The following NDE1 variants were observed in gnomAD, a reference collection of about 807,000 sequenced individuals.
The protein encoded by NDE1 is nuclear distribution protein nudE homolog 1.
A neutral mutation model predicts 43.4 loss-of-function variants in NDE1; 28 were observed. That is an observed-to-expected ratio of 0.65 (90% CI 0.48 to 0.89). The LOEUF is 0.89. Ranked by LOEUF, NDE1 falls within the 40% of genes least tolerant of loss-of-function variation. The probability of loss-of-function intolerance (pLI) is 0.00; values close to 1 mark genes in which losing one functional copy is unlikely to be tolerated. For synonymous variants in NDE1, 184 were observed against 172.0 expected, an observed-to-expected ratio of 1.07 and a Z score of -0.55; for missense variants, 441 against 434.1, an observed-to-expected ratio of 1.02 and a Z score of -0.14.
chr16:15,694,636 A>G (rs1302642301), intron 7 of NDE1: 4 of 985,156 alleles, frequency 4.1e-6, no homozygotes, highest in Middle Eastern at 5.2e-4. Context: ...GCATGAGCCA[A>G]TGCGTCCAGC....
intron 8 of NDE1, among the ~76,000 whole-genome samples, chr16:15,715,523 T>A (rs963584254): frequency 6.6e-6 from 1 of 152,244 alleles, no homozygotes; most frequent in African/African-American, 2.4e-5. Context: ...TAGTGTGTGA[T>A]TCCGTTGATA....
chr16:15,704,092 T>C, intron 8 of NDE1: 1 of 1,614,170 alleles, frequency 6.2e-7, no homozygotes, highest in Non-Finnish European at 8.5e-7. Context: ...CCAGACCTTC[T>C]AGAAGGAACG....
chr16:15,672,904 C>T (rs2037670475), intron 3 of NDE1: 1 of 152,240 alleles, frequency 6.6e-6, no homozygotes, highest in South Asian at 2.1e-4. Flanking sequence ...TGCTTACAGC[C>T]AGGAAATGGG....
At chr16:15,718,493 G>A in intron 8 of NDE1, 1 of 1,535,142 alleles carries the variant, frequency 6.5e-7, no homozygotes, top group Non-Finnish European at 8.7e-7. Context: ...CTTAAAAGAT[G>A]CCCCCTCCTT....
At chr16:15,721,842 G>GT (rs374498080) in intron 8 of NDE1, among the ~76,000 whole-genome samples, 16 of 151,114 alleles carry the variant, frequency 1.1e-4, no homozygotes, top group Admixed American at 3.3e-4. Flanking sequence ...CAGCTGACTT[G>GT]TTTTTTTTTG....
At chr16:15,692,455 G>A (rs781650141) in intron 6 of NDE1, among the ~76,000 whole-genome samples, 3 of 152,156 alleles carry the variant, frequency 2.0e-5, no homozygotes, top group African/African-American at 4.8e-5. Context: ...TGTTGCCCAG[G>A]CTGGAGTGCA....
intron 4 of NDE1, 148 bp from the exon 5 acceptor site, chr16:15,687,227 G>C (rs2151101197): frequency 6.4e-7 from 1 of 1,552,372 alleles, no homozygotes; most frequent in African/African-American, 1.4e-5. Context: ...AGAAGGTTAA[G>C]GGACTTGGCC....
chr16:15,703,929 T>C, intron 8 of NDE1: 1 of 1,574,020 alleles, frequency 6.4e-7, no homozygotes, highest in Non-Finnish European at 8.7e-7. Context: ...TGTTGGGTTT[T>C]TTTTGTTTGT....
intron 8 of NDE1, among the ~76,000 whole-genome samples, chr16:15,709,139 A>G (rs978493785): frequency 5.3e-5 from 8 of 150,368 alleles, no homozygotes; most frequent in Admixed American, 1.3e-4. Flanking sequence ...ATGGGGTTGC[A>G]CTATGTTGGT....
chr16:15,725,614 G>T lies in NDE1; in HGVS notation c.*1363G>T. The T allele has an allele frequency of 4.9e-6, 2 of 404,676 alleles. No individual in the cohort carries two copies. The highest frequency in any genetic ancestry group is 8.7e-6 in the Non-Finnish European group (2 of 229,318). The allele number at this position is 404,676 out of a possible 1,614,324, so 25.1% of individuals were successfully genotyped here. A position where few individuals can be genotyped will look rare whatever the true frequency, so the allele number is the denominator to read the frequency against. On this transcript the variant is annotated 3_prime_UTR_variant, in exon 9 of 9. Transcript: ENST00000396354. Reference sequence around the variant, plus strand: ...TTCCATTGACAAGGAGGATATGAATGATCTTGACACTGCTTATATGAGGGC... The same window carrying T: ...TTCCATTGACAAGGAGGATATGAATTATCTTGACACTGCTTATATGAGGGC...
At chr16:15,721,286 G>T in intron 8 of NDE1, 2 of 1,116,512 alleles carry the variant, frequency 1.8e-6, no homozygotes, top group Non-Finnish European at 2.6e-6. Context: ...CCCTGCACCA[G>T]TCCAAAAACC....
At chr16:15,646,506 A>T (rs1435769001), upstream of NDE1, among the ~76,000 whole-genome samples, 1 of 151,214 alleles carries the variant, frequency 6.6e-6, no homozygotes, top group East Asian at 2.0e-4. Context: ...GCTTGAACCC[A>T]GGAGGAAGAG....
intron 8 of NDE1, chr16:15,713,486 A>C (rs1202950244): frequency 1.3e-5 from 2 of 152,210 alleles, no homozygotes; most frequent in African/African-American, 4.8e-5. Context: ...TCTGTGGGAA[A>C]AGGTGGAGAG....
intron 1 of NDE1, among the ~76,000 whole-genome samples, chr16:15,644,650 T>C (rs1412098068): frequency 1.3e-5 from 2 of 152,196 alleles, no homozygotes; most frequent in African/African-American, 4.8e-5. Flanking sequence ...CTTCATTATG[T>C]CTGTGTATAG....
intron 3 of NDE1, among the ~76,000 whole-genome samples, chr16:15,669,430 C>T (rs1436292277): frequency 9.9e-5 from 15 of 150,800 alleles, no homozygotes; most frequent in South Asian, 4.2e-4. Flanking sequence ...GGCGTAATCC[C>T]GGCTCACTGC....
At chr16:15,681,765 T>A (rs898240423) in intron 4 of NDE1, among the ~76,000 whole-genome samples, 1 of 152,152 alleles carries the variant, frequency 6.6e-6, no homozygotes, top group African/African-American at 2.4e-5. Context: ...CAGGCTGGAG[T>A]GCAGGTGCAG....
At chr16:15,647,728 C>G (rs2036359291), upstream of NDE1, among the ~76,000 whole-genome samples, 1 of 152,046 alleles carries the variant, frequency 6.6e-6, no homozygotes. Context: ...GTGCATTGTA[C>G]AGAAGAATGC....
At chr16:15,658,812 A>C (rs1361733813) in intron 1 of NDE1, among the ~76,000 whole-genome samples, 1 of 152,092 alleles carries the variant, frequency 6.6e-6, no homozygotes, top group Non-Finnish European at 1.5e-5. Flanking sequence ...GCCTGCCACC[A>C]CACCCAGCTA....
At chr16:15,674,108 G>A (rs2037741154) in intron 3 of NDE1, among the ~76,000 whole-genome samples, 1 of 152,128 alleles carries the variant, frequency 6.6e-6, no homozygotes, top group Non-Finnish European at 1.5e-5. Context: ...TGTTATTGCT[G>A]CAGCTGGCAA....
Sources: allele counts gnomAD v4.1 joint callset (sites outside exome capture counted in the v4.1 genomes callset), GRCh38; gene constraint gnomAD v4.1.1; transcripts MANE v1.5; gene names NCBI Gene and HGNC (gene_info 2026-07-23, HGNC 2026-07-21).